Variants in GPATCH2L observed in about 807,000 individuals in gnomAD.
GPATCH2L encodes G-patch domain containing 2 like.
A neutral mutation model predicts 57.4 loss-of-function variants in GPATCH2L; 31 were observed. The ratio of observed to expected loss-of-function variants is 0.54; its 90% CI spans 0.41 to 0.73. GPATCH2L has a LOEUF of 0.73. Among genes scored for constraint, GPATCH2L ranks in the 30% least tolerant of loss-of-function variants. The pLI is 0.00. For missense variants in GPATCH2L, 481 were observed against 599.9 expected (o/e 0.80, Z 2.07); for synonymous variants, 199 against 210.7 (o/e 0.94, Z 0.48).
At position 76,204,872 on chromosome 14, in the gene GPATCH2L, A is replaced by G. The variant is rs1342751383; in HGVS notation, c.*3021A>G. 1 of 152,234 alleles carries G rather than the reference A, an allele frequency of 6.6e-6. No individual in the cohort carries two copies. The highest frequency in any genetic ancestry group is 2.4e-5 in the African/African-American group (1 of 41,458). The allele number at this position is 152,234 out of a possible 1,614,324, so 9.4% of individuals were successfully genotyped here. A position where few individuals can be genotyped will look rare whatever the true frequency, so the allele number is the denominator to read the frequency against. ...TGCTTCTGTGAGGATCATAATAAAA[A>G]GTTAGTTTTAATTACGAGTTTAAAG... is the stretch of plus-strand genomic sequence containing the variant. On this transcript the variant is annotated 3_prime_UTR_variant, in exon 10 of 10. Transcript: ENST00000261530.
At chr14:76,226,138 A>G (rs1200261758) in intron 1 of GPATCH2L, among the ~76,000 whole-genome samples, 1 of 152,248 alleles carries the variant, frequency 6.6e-6, no homozygotes, top group African/African-American at 2.4e-5. Flanking sequence ...ACATACACAT[A>G]CATATATGCA....
At chr14:76,231,652 CT>C (rs1455725941) in intron 2 of GPATCH2L, among the ~76,000 whole-genome samples, 2 of 151,996 alleles carry the variant, frequency 1.3e-5, no homozygotes, top group Admixed American at 6.6e-5. Context: ...CACACACACT[CT>C]TCTGGTTATC....
chr14:76,224,897 G>A lies in GPATCH2L; in HGVS notation c.66-4911G>A, dbSNP rs147570226. On this transcript the variant is annotated intron_variant and NMD_transcript_variant, in intron 1 of 3. Transcript: ENST00000556372. ...ATTTAAAAATATTTACAATAGCATC[G>A]AAGACATAAACTGAGAATAAATCTA... Among the ~76,000 whole-genome samples the A allele has an allele frequency of 4.3e-3, 651 of 152,036 alleles. 4 individuals carry two copies. The highest frequency in any genetic ancestry group is 0.014 in the African/African-American group (575 of 41,502).
chr14:76,157,697 TAG>T (rs2038375284), intron 2 of GPATCH2L, among the ~76,000 whole-genome samples: 1 of 152,068 alleles, frequency 6.6e-6, no homozygotes, highest in South Asian at 2.1e-4. Context: ...AAGCATGTAT[TAG>T]ATGTTTTAGA....
chr14:76,198,969 T>C (rs1026172708), intron 9 of GPATCH2L, among the ~76,000 whole-genome samples: 2 of 152,198 alleles, frequency 1.3e-5, no homozygotes, highest in Non-Finnish European at 2.9e-5. Flanking sequence ...TTTTAGGATG[T>C]CCCTTTTCTC....
chr14:76,169,797 G>A (rs1388982858), intron 3 of GPATCH2L, among the ~76,000 whole-genome samples: 1 of 152,160 alleles, frequency 6.6e-6, no homozygotes, highest in Non-Finnish European at 1.5e-5. Context: ...TTAATATATT[G>A]AAGTACAGAG....
intron 9 of GPATCH2L, among the ~76,000 whole-genome samples, chr14:76,200,777 A>G (rs1367653371): frequency 6.6e-6 from 1 of 152,194 alleles, no homozygotes; most frequent in Non-Finnish European, 1.5e-5. Flanking sequence ...TGTGATCCAC[A>G]ATTTGAAAAT....
chr14:76,231,589 C>A (rs1170293842), intron 2 of GPATCH2L, among the ~76,000 whole-genome samples: 1 of 147,384 alleles, frequency 6.8e-6, no homozygotes, highest in Admixed American at 6.9e-5. Flanking sequence ...ATGGAATCAC[C>A]CCTAGTATGG....
chr14:76,222,951 G>A, intron 1 of GPATCH2L, among the ~76,000 whole-genome samples: 1 of 107,762 alleles, frequency 9.3e-6, no homozygotes, highest in East Asian at 2.6e-4. Context: ...GTGAGACTGT[G>A]TTCAAAAAAA....
rs564766523 is a variant in GPATCH2L, at chr14:76,223,642, G to C, written c.66-6166G>C. Among the ~76,000 whole-genome samples the C allele has an allele frequency of 3.3e-5, 5 of 152,164 alleles. No individual in the cohort carries two copies. The South Asian group carries it at 1.0e-3, about 32-fold the overall frequency. On this transcript the variant is annotated intron_variant and NMD_transcript_variant, in intron 1 of 3. Coordinates refer to the GPATCH2L transcript ENST00000556372. ...AAAGACACTGTCAAGAAGATGAAACGACGACCACAGAATGGGAGAAAATAT... is the reference window on the plus strand; with the variant it reads ...AAAGACACTGTCAAGAAGATGAAACCACGACCACAGAATGGGAGAAAATAT...
chr14:76,152,908 T>C (rs1387145397), intron 1 of GPATCH2L: 2 of 366,942 alleles, frequency 5.5e-6, no homozygotes, highest in Non-Finnish European at 1.1e-5. Flanking sequence ...GACAGTTGTC[T>C]CCCAAACCTC....
At chr14:76,162,057 A>G (rs908708949) in intron 2 of GPATCH2L, among the ~76,000 whole-genome samples, 5 of 152,178 alleles carry the variant, frequency 3.3e-5, no homozygotes, top group African/African-American at 1.2e-4. Flanking sequence ...ACAAAAAAAA[A>G]CTTATGAGCT....
intron 8 of GPATCH2L, among the ~76,000 whole-genome samples, chr14:76,190,419 C>T (rs1311919393): frequency 6.6e-6 from 1 of 151,932 alleles, no homozygotes; most frequent in African/African-American, 2.4e-5. Context: ...CAACTCTGCC[C>T]TGGCAAATAC....
At chr14:76,178,167 C>T (rs1320288686) in intron 7 of GPATCH2L, 125 bp downstream of exon 7, 1 of 1,326,682 alleles carries the variant, frequency 7.5e-7, no homozygotes, top group South Asian at 1.2e-5. Flanking sequence ...TCATTAGTTT[C>T]TTGTAGCATA....
At chr14:76,156,652 T>A (rs2038320816) in intron 2 of GPATCH2L, among the ~76,000 whole-genome samples, 1 of 152,248 alleles carries the variant, frequency 6.6e-6, no homozygotes, top group Non-Finnish European at 1.5e-5. Flanking sequence ...ATATTGAGCA[T>A]ATATACCAAA....
At chr14:76,171,137 A>G (rs1383791255) in intron 3 of GPATCH2L, among the ~76,000 whole-genome samples, 1 of 152,194 alleles carries the variant, frequency 6.6e-6, no homozygotes, top group Admixed American at 6.5e-5. Context: ...GGACCAGAAC[A>G]ATGCCTTGAT....
chr14:76,171,887 C>G lies in GPATCH2L; in HGVS notation c.772C>G (p.Pro258Ala). ...TTGGTTCTATGAAGGAGAATGTGTC[C>G]CAGGATTCACTGTCCCTAATCTTCT... ...SDWFYEGECV[P>A]GFTVPNLLPK... Residue 258 changes from proline to alanine, a missense_variant, in exon 4 of 10, where the codon CCA becomes GCA. Around this residue, in one of 3 missense-constraint regions of GPATCH2L, gnomAD observed 25 missense variants for 56.9 expected, o/e 0.44. Transcript: ENST00000261530. 6.2e-7 allele frequency: 1 copy of G among 1,608,372 alleles called. No homozygotes were observed. Among genetic ancestry groups the G allele is most frequent in the Non-Finnish European group, 8.5e-7 (1 of 1,176,264 alleles).
At chr14:76,176,419 A>G (rs1014515521) in intron 5 of GPATCH2L, 27 of 557,290 alleles carry the variant, frequency 4.8e-5, no homozygotes, top group Admixed American at 1.3e-4. Context: ...TCACTGGAGA[A>G]TAATAAATGT....
At chr14:76,163,282 A>G (rs1566776051) in intron 2 of GPATCH2L, among the ~76,000 whole-genome samples, 1 of 152,220 alleles carries the variant, frequency 6.6e-6, no homozygotes, top group Non-Finnish European at 1.5e-5. Context: ...AATAATTAAT[A>G]TAAAGTGCTT....
Sources: gnomAD v4.1 joint callset for allele counts (sites outside exome capture counted in the v4.1 genomes callset) on GRCh38, gnomAD v4.1.1 for gene constraint, gnomAD v4.1.1 regional missense constraint, MANE v1.5 for transcripts, NCBI Gene and HGNC (gene_info 2026-07-23, HGNC 2026-07-21) for gene names.